The following MOK variants were observed in gnomAD, a reference collection of about 807,000 sequenced individuals.
The protein encoded by MOK is MOK protein kinase.
In MOK, 59 loss-of-function variants were observed where a neutral mutation model predicts 54.2. The ratio of observed to expected loss-of-function variants is 1.09; its 90% CI spans 0.88 to 1.35. The LOEUF is 1.35. Among genes scored for constraint, MOK ranks in the 40% most tolerant of loss-of-function variants. The pLI is 0.00. For synonymous variants in MOK, 210 were observed against 202.7 expected, an observed-to-expected ratio of 1.04 and a Z score of -0.31; for missense variants, 517 against 526.2, an observed-to-expected ratio of 0.98 and a Z score of 0.17.
At chr14:102,282,767 A>G (rs2069584968) in intron 2 of MOK, among the ~76,000 whole-genome samples, 1 of 147,320 alleles carries the variant, frequency 6.8e-6, no homozygotes, top group Non-Finnish European at 1.5e-5. Flanking sequence ...AACAAAATCA[A>G]TGGGCTAGGC....
chr14:102,252,529 CTTT>C (rs1204501075), intron 4 of MOK, among the ~76,000 whole-genome samples: 4 of 151,898 alleles, frequency 2.6e-5, no homozygotes, highest in African/African-American at 9.7e-5. Context: ...TGGAAAATCC[CTTT>C]TTATTTTTCT....
intron 1 of MOK, among the ~76,000 whole-genome samples, chr14:102,286,322 AAAAG>A (rs1447517396): frequency 2.2e-5 from 3 of 133,690 alleles, no homozygotes; most frequent in African/African-American, 8.4e-5. Context: ...AAAAAAAAAA[AAAAG>A]ATGTGCATCC....
intron 2 of MOK, among the ~76,000 whole-genome samples, chr14:102,268,027 A>G (rs1333092866): frequency 6.6e-6 from 1 of 152,196 alleles, no homozygotes; most frequent in Non-Finnish European, 1.5e-5. Flanking sequence ...AGGTGGAAAG[A>G]GCAAGAAGCT....
chr14:102,220,366 CT>C (rs2063746310), downstream of MOK, among the ~76,000 whole-genome samples: 1 of 152,198 alleles, frequency 6.6e-6, no homozygotes, highest in South Asian at 2.1e-4. This position sits in a 1 kb window ranked among gnomAD's most constrained non-coding sequence, Gnocchi z 4.2. Context: ...TCAAAGGCTT[CT>C]TACCAAAAAA....
In MOK at chr14:102,245,463, A is replaced by T. The variant is rs952760606; in HGVS notation, c.590+5349T>A. ...TCCAGATGGCCTGAAGCAAGTGAAGAATCACAAAAGAAGTGAAAATGGCCG... is the reference window on the plus strand; with the variant it reads ...TCCAGATGGCCTGAAGCAAGTGAAGTATCACAAAAGAAGTGAAAATGGCCG... On this transcript the variant is annotated intron_variant, in intron 7 of 11. Transcript: ENST00000361847. The surrounding 1 kb of genome is among the most constrained non-coding windows in gnomAD (Gnocchi z 4.3). Among the ~76,000 whole-genome samples the T allele has an allele frequency of 7.9e-5, 12 of 152,184 alleles. No homozygotes were observed. The highest frequency in any genetic ancestry group is 7.2e-4 in the Admixed American group (11 of 15,280).
At chr14:102,229,737 T>C in intron 10 of MOK, 80 bp from the exon 11 acceptor site, 2 of 1,252,574 alleles carry the variant, frequency 1.6e-6, no homozygotes, top group Non-Finnish European at 2.2e-6. Context: ...GAGGCTCTTT[T>C]GTACTGCTTT....
chr14:102,260,342 C>T (rs2067287290), intron 4 of MOK, among the ~76,000 whole-genome samples: 1 of 152,036 alleles, frequency 6.6e-6, no homozygotes, highest in South Asian at 2.1e-4. Flanking sequence ...GAGACTCCAT[C>T]TTAAAAAAAT....
At chr14:102,229,739 TACTGC>T in intron 10 of MOK, 82 bp from the exon 11 acceptor site, 1 of 1,247,142 alleles carries the variant, frequency 8.0e-7, no homozygotes, top group Non-Finnish European at 1.1e-6. Context: ...GGCTCTTTTG[TACTGC>T]TTTTGCCTAA....
chr14:102,229,841 C>T (rs1221429256), intron 10 of MOK, 184 bp from the exon 11 acceptor site: 6 of 603,664 alleles, frequency 9.9e-6, no homozygotes, highest in Non-Finnish European at 1.7e-5. Context: ...TAGAGTCCCA[C>T]GGGGGAGGCC....
rs760176029 is a variant in MOK at position 102,232,526 on chromosome 14, A to T, written c.866+9T>A. ...GCATCTGCCCCACCGAACCCACGAGAGTGCCTACCTCTGTTCTTGGAAGTA... is the reference window on the plus strand; with the variant it reads ...GCATCTGCCCCACCGAACCCACGAGTGTGCCTACCTCTGTTCTTGGAAGTA... On this transcript the variant is annotated intron_variant, in intron 9 of 11. Transcript: ENST00000361847. The surrounding 1 kb of genome is among the most constrained non-coding windows in gnomAD (Gnocchi z 5.1). 2 of 1,608,720 alleles carry T rather than the reference A, an allele frequency of 1.2e-6. No individual in the cohort carries two copies. Among genetic ancestry groups the T allele is most frequent in the Non-Finnish European group, 1.7e-6 (2 of 1,176,294 alleles).
chr14:102,224,332 G>A (rs147346776), downstream of MOK, among the ~76,000 whole-genome samples: 63 of 152,152 alleles, frequency 4.1e-4, no homozygotes, highest in East Asian at 9.9e-3. Flanking sequence ...GAGCCACTGC[G>A]CCCGGCCTTA....
At chr14:102,273,743 T>C (rs2068595208) in intron 2 of MOK, among the ~76,000 whole-genome samples, 1 of 151,886 alleles carries the variant, frequency 6.6e-6, no homozygotes, top group African/African-American at 2.4e-5. Context: ...GCTGAGATCA[T>C]GCCATTGCAC....
At chr14:102,226,574 G>A (rs1170145843), downstream of MOK, among the ~76,000 whole-genome samples, 1 of 152,146 alleles carries the variant, frequency 6.6e-6, no homozygotes, top group Non-Finnish European at 1.5e-5. The surrounding 1 kb of genome is among the most constrained non-coding windows in gnomAD (Gnocchi z 4.8). Context: ...TGGCCCCTCT[G>A]CCCTCAGCCC....
chr14:102,233,706 ATC>A lies in MOK; in HGVS notation c.672_673del (p.Lys224AsnfsTer14). 1 of 1,613,474 alleles carries A rather than the reference ATC, an allele frequency of 6.2e-7. No individual in the cohort carries two copies. Among genetic ancestry groups the A allele is most frequent in the Non-Finnish European group, 8.5e-7 (1 of 1,179,448 alleles). ...TACTTACTGTTTGAACTTGGTGAGG[ATC>A]TTCTGAGCGGGTGTGCCGATGACAT... On this transcript the variant is annotated frameshift_variant, in exon 8 of 12. Coordinates refer to ENST00000361847, the MANE Select transcript of MOK (RefSeq NM_014226.3). LOFTEE classifies it high-confidence loss of function.
intron 7 of MOK, among the ~76,000 whole-genome samples, chr14:102,237,565 A>C (rs1406226258): frequency 6.6e-6 from 1 of 152,186 alleles, no homozygotes. Flanking sequence ...AGGCCCTCTC[A>C]GTGAGCCTCT....
intron 1 of MOK, among the ~76,000 whole-genome samples, chr14:102,284,138 G>A (rs753025117): frequency 1.3e-5 from 2 of 152,044 alleles, no homozygotes; most frequent in South Asian, 4.1e-4. Context: ...GAAGCCTCTA[G>A]ATCACTATGT....
chr14:102,226,522 C>G (rs1214950314), downstream of MOK: 17 of 691,112 alleles, frequency 2.5e-5, no homozygotes, highest in Non-Finnish European at 4.5e-5. The surrounding 1 kb of genome is among the most constrained non-coding windows in gnomAD (Gnocchi z 4.8). Flanking sequence ...CGCCGGGGCC[C>G]CGGCAGCAGG....
At chr14:102,252,176 A>G (rs1400766359) in intron 4 of MOK, among the ~76,000 whole-genome samples, 181 bp from the exon 5 acceptor site, 4 of 152,190 alleles carry the variant, frequency 2.6e-5, no homozygotes, top group African/African-American at 9.7e-5. Context: ...TTAAAATTCC[A>G]TATACTGGCC....
intron 4 of MOK, among the ~76,000 whole-genome samples, chr14:102,256,713 C>G (rs2066989790): frequency 7.1e-6 from 1 of 141,346 alleles, no homozygotes; most frequent in African/African-American, 2.9e-5. Context: ...ATGAATTTAA[C>G]TTGAAACAGT....
Sources: allele counts gnomAD v4.1 joint callset (sites outside exome capture counted in the v4.1 genomes callset), GRCh38; gene constraint gnomAD v4.1.1; non-coding constraint Gnocchi (gnomAD v3.1); transcripts MANE v1.5; gene names NCBI Gene and HGNC (gene_info 2026-07-23, HGNC 2026-07-21).